The following RET variants were observed in gnomAD, a reference collection of about 807,000 sequenced individuals.
RET encodes ret proto-oncogene.
RET carries 19 observed loss-of-function variants against 118.3 expected under a neutral mutation model. That is an observed-to-expected ratio of 0.16 (90% CI 0.11 to 0.24). RET has a LOEUF of 0.24. Among genes scored for constraint, RET ranks in the 10% least tolerant of loss-of-function variants. The pLI, the probability that RET is intolerant of heterozygous loss-of-function variation, is 1.00. For synonymous variants in RET, 597 were observed against 644.1 expected, an observed-to-expected ratio of 0.93 and a Z score of 1.11; for missense variants, 1,219 against 1,502.1, an observed-to-expected ratio of 0.81 and a Z score of 3.12.
intron 4 of RET, among the ~76,000 whole-genome samples, chr10:43,105,907 C>T (rs931212847): frequency 1.1e-4 from 16 of 152,180 alleles, no homozygotes; most frequent in African/African-American, 3.4e-4. Context: ...CCTCACAACC[C>T]CCTCCAGCCT....
intron 1 of RET, 72 bp from the exon 2 acceptor site, chr10:43,100,387 G>GA: frequency 7.4e-7 from 1 of 1,354,716 alleles, no homozygotes; most frequent in Non-Finnish European, 1.0e-6. Context: ...TTAAATTAAT[G>GA]ATTTTTTTTT....
chr10:43,093,590 G>A (rs535239070), intron 1 of RET, among the ~76,000 whole-genome samples: 68 of 152,320 alleles, frequency 4.5e-4, no homozygotes, highest in African/African-American at 1.5e-3. Flanking sequence ...GCCACCATCT[G>A]GAGGACAGGG....
chr10:43,090,503 G>A (rs1837388260), intron 1 of RET, among the ~76,000 whole-genome samples: 1 of 152,102 alleles, frequency 6.6e-6, no homozygotes, highest in Admixed American at 6.5e-5. Context: ...AGGGCTGTGT[G>A]CTCCATGCTA....
intron 1 of RET, among the ~76,000 whole-genome samples, chr10:43,081,119 G>C (rs2506014): frequency 0.37 from 56,641 of 151,390 alleles, 10,743 homozygotes; most frequent in South Asian, 0.42. Context: ...GCTCCCTGCT[G>C]CCCTCCTCCC....
At chr10:43,094,173 A>T (rs1359195335) in intron 1 of RET, among the ~76,000 whole-genome samples, 1 of 151,856 alleles carries the variant, frequency 6.6e-6, no homozygotes, top group Non-Finnish European at 1.5e-5. Context: ...CCCCATAGGG[A>T]CAGCTGGCCT....
rs876659895 is a variant in RET, at chr10:43,119,600, A to G, written c.2462A>G (p.Lys821Arg). Residue 821 changes from lysine to arginine, a missense_variant, in exon 14 of 20, where the codon AAA becomes AGA. Coordinates refer to ENST00000355710, the MANE Select transcript of RET (RefSeq NM_020975.6). ...SLRGFLRESR[K>R]VGPGYLGSGG... ...CGGGGCTTCCTCCGCGAGAGCCGCAAAGTGGGGCCTGGCTACCTGGGCAGT... is the reference window on the plus strand; with the variant it reads ...CGGGGCTTCCTCCGCGAGAGCCGCAGAGTGGGGCCTGGCTACCTGGGCAGT... 1.2e-6 allele frequency: 2 copies of G among 1,612,454 alleles called. No individual in the cohort carries two copies. Among genetic ancestry groups the G allele is most frequent in the Non-Finnish European group, 1.7e-6 (2 of 1,179,944 alleles).
intron 19 of RET, chr10:43,127,191 C>T: frequency 9.2e-7 from 1 of 1,088,186 alleles, no homozygotes; most frequent in East Asian, 4.8e-5. Flanking sequence ...AGGCAGGTGC[C>T]TCTCAGAGGC....
At chr10:43,127,463 C>T (rs1464285389) in intron 19 of RET, 1 of 1,045,736 alleles carries the variant, frequency 9.6e-7, no homozygotes, top group African/African-American at 1.7e-5. Flanking sequence ...ATGGTTCTTG[C>T]CAAAACTCCT....
At chr10:43,107,134 C>A (rs1837799579) in intron 5 of RET, among the ~76,000 whole-genome samples, 1 of 152,326 alleles carries the variant, frequency 6.6e-6, no homozygotes, top group African/African-American at 2.4e-5. Flanking sequence ...CAGATTTCTC[C>A]TGGGATCGCC....
intron 12 of RET, 55 bp downstream of exon 12, chr10:43,116,786 G>C (rs754584470): frequency 2.8e-6 from 3 of 1,065,350 alleles, no homozygotes; most frequent in South Asian, 1.2e-5. Context: ...GGCGGGGGGC[G>C]GGTGAGGCCC....
At chr10:43,079,921 C>G (rs1477923958) in intron 1 of RET, among the ~76,000 whole-genome samples, 2 of 152,198 alleles carry the variant, frequency 1.3e-5, no homozygotes, top group Non-Finnish European at 2.9e-5. Flanking sequence ...CTGGGCCTGG[C>G]TTGCTTCCTC....
chr10:43,121,873 TG>T (rs1264888689), intron 15 of RET, 72 bp from the exon 16 acceptor site: 80 of 1,137,972 alleles, frequency 7.0e-5, no homozygotes, highest in Non-Finnish European at 1.0e-4. Context: ...GGATAGGGCC[TG>T]GCCTTCTCCT....
rs79890926 is a variant in RET at position 43,113,656 on chromosome 10, C to T, written c.1860C>T (p.Cys620=). 8.1e-6 allele frequency: 13 copies of T among 1,613,224 alleles called. No homozygotes were observed. Among genetic ancestry groups the T allele is most frequent in the Admixed American group, 3.3e-5 (2 of 59,962 alleles). The change falls in exon 10 of 20, where the codon TGC becomes TGT. Residue 620 remains cysteine (C), a synonymous_variant. Transcript: ENST00000355710. ...TCCCTGAGGAGGAGAAGTGCTTCTG[C>T]GAGCCCGAAGACATCCAGGGTGAGT... ...NCFPEEEKCF[C]EPEDIQDPLC...
chr10:43,102,061 G>C (rs1837652945), intron 2 of RET, among the ~76,000 whole-genome samples: 1 of 152,220 alleles, frequency 6.6e-6, no homozygotes, highest in African/African-American at 2.4e-5. Flanking sequence ...ATCAGAGTTG[G>C]GGAGCCTTAG....
chr10:43,117,500 C>T (rs1024830898), intron 12 of RET, among the ~76,000 whole-genome samples: 2 of 152,246 alleles, frequency 1.3e-5, no homozygotes, highest in African/African-American at 4.8e-5. Context: ...ACTGTCCTCT[C>T]CCTTCCAGAC....
In RET at chr10:43,099,512, A is replaced by AT. The variant is rs1263195236; in HGVS notation, c.74-947_74-946insT. On this transcript the variant is annotated intron_variant, in intron 1 of 19. Coordinates refer to ENST00000355710, the MANE Select transcript of RET (RefSeq NM_020975.6). The stretch of plus-strand genomic sequence containing the variant: ...GGCAACAAGAGCAAAACTCCATCTC[A>AT]AAAATAAATAAATAAATAAATAAAT... Among the ~76,000 whole-genome samples the AT allele has an allele frequency of 4.1e-5, 6 of 147,628 alleles. No homozygotes were observed. In the East Asian group the frequency reaches 1.2e-3, roughly 29 times the overall value.
intron 13 of RET, among the ~76,000 whole-genome samples, chr10:43,119,071 T>C (rs1249092009): frequency 1.3e-5 from 2 of 151,944 alleles, no homozygotes; most frequent in Non-Finnish European, 2.9e-5. Context: ...TCGGCACCAG[T>C]AGAGTTGGAG....
chr10:43,117,054 C>T (rs936463563), intron 12 of RET, among the ~76,000 whole-genome samples: 1 of 152,258 alleles, frequency 6.6e-6, no homozygotes, highest in Non-Finnish European at 1.5e-5. Flanking sequence ...CCAGTGTCTC[C>T]TGGGGTCTTG....
rs77939446 is a variant in RET, at chr10:43,113,622, G to A, written c.1826G>A (p.Cys609Tyr). The stretch of plus-strand genomic sequence containing the variant: ...GGGATTAAAGCTGGCTATGGCACCT[G>A]CAACTGCTTCCCTGAGGAGGAGAAG... ...PRGIKAGYGT[C>Y]NCFPEEEKCF... The change falls in exon 10 of 20, where the codon TGC becomes TAC. Residue 609 changes from cysteine (C) to tyrosine (Y), a missense_variant. Physicochemically the swap from Cys to Tyr is radical, Grantham distance 194 (BLOSUM62 -2). Coordinates refer to ENST00000355710, the MANE Select transcript of RET (RefSeq NM_020975.6). 5.6e-6 allele frequency: 9 copies of A among 1,613,148 alleles called. No homozygotes were observed. Among genetic ancestry groups the A allele is most frequent in the Non-Finnish European group, 7.6e-6 (9 of 1,179,840 alleles).
Sources: allele counts gnomAD v4.1 joint callset (sites outside exome capture counted in the v4.1 genomes callset), GRCh38; gene constraint gnomAD v4.1.1; transcripts MANE v1.5; gene names NCBI Gene and HGNC (gene_info 2026-07-23, HGNC 2026-07-21).